The following NFIB variants were observed in gnomAD, a reference collection of about 807,000 sequenced individuals.
NFIB encodes the protein nuclear factor I B.
Under a neutral mutation model 61.5 loss-of-function variants are expected in NFIB, and 11 were observed. That is an observed-to-expected ratio of 0.18 (90% CI 0.11 to 0.30). NFIB has a LOEUF of 0.30. Ranked by LOEUF, NFIB falls within the 10% of genes least tolerant of loss-of-function variation. The pLI is 1.00. For synonymous variants in NFIB, 260 were observed against 216.5 expected (o/e 1.20, Z -1.76); for missense variants, 471 against 608.9 (o/e 0.77, Z 2.38).
intron 2 of NFIB, among the ~76,000 whole-genome samples, chr9:14,277,389 T>A (rs1428416233): frequency 3.3e-5 from 5 of 151,994 alleles, no homozygotes; most frequent in Non-Finnish European, 7.4e-5. Context: ...CATTAAGTCA[T>A]TTGGAAGAAT....
At chr9:14,223,673 G>A (rs990220166) in intron 2 of NFIB, among the ~76,000 whole-genome samples, 1 of 152,104 alleles carries the variant, frequency 6.6e-6, no homozygotes, top group Non-Finnish European at 1.5e-5. Flanking sequence ...GAAGAAGAGG[G>A]GAAGATGTGT....
chr9:14,415,391 C>A, the NFIB span, among the ~76,000 whole-genome samples: 23 of 152,166 alleles, frequency 1.5e-4, no homozygotes, highest in Middle Eastern at 3.2e-3. Context: ...TACTATGTTA[C>A]AATGTAACAT....
In NFIB at chr9:14,116,085, T is replaced by C. The variant is rs565479492; in HGVS notation, c.1384+123A>G. The C allele has an allele frequency of 7.6e-6, 9 of 1,187,318 alleles. No individual in the cohort carries two copies. In the South Asian group the frequency reaches 1.8e-4, roughly 24 times the overall value. The allele number at this position is 1,187,318 out of a possible 1,614,324, so 73.5% of individuals were successfully genotyped here. Reference sequence around the variant, plus strand: ...ACTTAAATGAGAAATCTCCATCTGGTCAGGTAGCTGGAAAAATTGCCGTGT... The same window carrying C: ...ACTTAAATGAGAAATCTCCATCTGGCCAGGTAGCTGGAAAAATTGCCGTGT... On this transcript the variant is annotated intron_variant, in intron 9 of 10. Coordinates refer to ENST00000380953, the MANE Select transcript of NFIB (RefSeq NM_001190737.2).
At chr9:14,156,482 C>G (rs185297739) in intron 3 of NFIB, among the ~76,000 whole-genome samples, 1 of 152,196 alleles carries the variant, frequency 6.6e-6, no homozygotes, top group African/African-American at 2.4e-5. Context: ...ATACGTTGCA[C>G]GATTTCACTG....
intron 7 of NFIB, 54 bp downstream of exon 7, chr9:14,125,578 G>A (rs76182120): frequency 6.2e-7 from 1 of 1,606,412 alleles, no homozygotes; most frequent in African/African-American, 1.3e-5. Flanking sequence ...CCCTAAGGGG[G>A]TTAGGCCCTA....
chr9:14,402,444 T>A (rs2061752248), upstream of NFIB, among the ~76,000 whole-genome samples: 1 of 152,232 alleles, frequency 6.6e-6, no homozygotes, highest in South Asian at 2.1e-4. Flanking sequence ...AAGGTCCTTT[T>A]TTTAATTATG....
chr9:14,530,605 G>T, the NFIB span, among the ~76,000 whole-genome samples: 1 of 152,244 alleles, frequency 6.6e-6, no homozygotes, highest in East Asian at 1.9e-4. Flanking sequence ...GAGCTTTCAC[G>T]AGACGCCTAG....
chr9:14,330,722 CAT>C (rs1383585823), intron 1 of NFIB, among the ~76,000 whole-genome samples: 1 of 152,082 alleles, frequency 6.6e-6, no homozygotes, highest in East Asian at 1.9e-4. Context: ...TGAGGACACA[CAT>C]AGAGTGCCAC....
chr9:14,321,830 A>C (rs2060668181), intron 1 of NFIB: 1 of 1,181,244 alleles, frequency 8.5e-7, no homozygotes, highest in Non-Finnish European at 1.1e-6. Context: ...GGGGTAAAAC[A>C]GCCACTTTGC....
At chr9:14,321,875 G>A (rs1320629565) in intron 1 of NFIB, 20 of 1,230,882 alleles carry the variant, frequency 1.6e-5, no homozygotes, top group Admixed American at 8.4e-5. Context: ...CTGTGCCAGG[G>A]ATAGGAGGGG....
the NFIB span, among the ~76,000 whole-genome samples, chr9:14,406,137 T>C: frequency 6.6e-6 from 1 of 152,158 alleles, no homozygotes; most frequent in Non-Finnish European, 1.5e-5. Flanking sequence ...TTTTACATAG[T>C]GGATCCAGGA....
intron 2 of NFIB, among the ~76,000 whole-genome samples, chr9:14,227,187 A>G (rs535490745): frequency 6.6e-6 from 1 of 152,138 alleles, no homozygotes. Flanking sequence ...AAGAAAAGAA[A>G]TATATTCTAA....
At chr9:14,267,896 G>C (rs1313282908) in intron 2 of NFIB, among the ~76,000 whole-genome samples, 1 of 152,146 alleles carries the variant, frequency 6.6e-6, no homozygotes, top group South Asian at 2.1e-4. Context: ...ACTTTGGGAG[G>C]CCAAGGTGGG....
chr9:14,462,102 T>C, the NFIB span, among the ~76,000 whole-genome samples: 1 of 152,312 alleles, frequency 6.6e-6, no homozygotes, highest in Admixed American at 6.5e-5. Context: ...TCATAAGGTA[T>C]CCCTAGTTAT....
At chr9:14,511,598 C>T in the NFIB span, among the ~76,000 whole-genome samples, 1 of 152,132 alleles carries the variant, frequency 6.6e-6, no homozygotes, top group Admixed American at 6.5e-5. Context: ...AAAGGCTAGC[C>T]TGAGATGACA....
intron 2 of NFIB, among the ~76,000 whole-genome samples, chr9:14,259,335 C>G (rs2056526598): frequency 6.6e-6 from 1 of 152,188 alleles, no homozygotes; most frequent in African/African-American, 2.4e-5. Flanking sequence ...AAAGAGCTAC[C>G]TGTAAATTTA....
chr9:14,289,358 A>C (rs556488585), intron 2 of NFIB, among the ~76,000 whole-genome samples: 1 of 151,660 alleles, frequency 6.6e-6, no homozygotes, highest in Admixed American at 6.6e-5. Context: ...GGGGAAAAGA[A>C]GTATGAAAAT....
chr9:14,147,224 A>G (rs1270514041), intron 5 of NFIB, among the ~76,000 whole-genome samples: 2 of 152,288 alleles, frequency 1.3e-5, no homozygotes, highest in Non-Finnish European at 2.9e-5. Flanking sequence ...AGATAAGGTA[A>G]TAAAGTAAAA....
chr9:14,325,878 A>G (rs1750769461), intron 1 of NFIB, among the ~76,000 whole-genome samples: 1 of 152,182 alleles, frequency 6.6e-6, no homozygotes, highest in African/African-American at 2.4e-5. Context: ...ATATGAACAT[A>G]TAAACACATT....
Sources: allele counts gnomAD v4.1 joint callset (sites outside exome capture counted in the v4.1 genomes callset), GRCh38; gene constraint gnomAD v4.1.1; transcripts MANE v1.5; gene names NCBI Gene and HGNC (gene_info 2026-07-23, HGNC 2026-07-21).